USP6: variants seen among roughly 807,000 people sequenced by gnomAD.
USP6 encodes the protein ubiquitin carboxyl-terminal hydrolase 6.
A neutral mutation model predicts 175.7 loss-of-function variants in USP6; 128 were observed. That is an observed-to-expected ratio of 0.73 (90% confidence interval 0.63 to 0.84). USP6 has a LOEUF of 0.84. Ranked by LOEUF, USP6 falls within the 40% of genes least tolerant of loss-of-function variation. The pLI, the probability that USP6 is intolerant of heterozygous loss-of-function variation, is 0.00. For synonymous variants in USP6, 562 were observed against 630.6 expected, an observed-to-expected ratio of 0.89 and a Z score of 1.63; for missense variants, 1,498 against 1,760.3, an observed-to-expected ratio of 0.85 and a Z score of 2.67.
intron 36 of USP6, among the ~76,000 whole-genome samples, 199 bp downstream of exon 36, chr17:5,171,114 T>G (rs2074208335): frequency 5.3e-5 from 8 of 152,134 alleles, no homozygotes; most frequent in Admixed American, 5.2e-4. Context: ...TTTAGAAGGC[T>G]GAGACAGGAG....
intron 30 of USP6, among the ~76,000 whole-genome samples, chr17:5,154,711 C>T (rs1598069639): frequency 9.3e-6 from 1 of 107,486 alleles, no homozygotes; most frequent in East Asian, 2.0e-4. Flanking sequence ...TTGAGATAGT[C>T]TTTTTTTTTT....
At chr17:5,136,527 AG>A in intron 17 of USP6, 112 bp from the exon 18 acceptor site, 1 of 1,331,334 alleles carries the variant, frequency 7.5e-7, no homozygotes, top group South Asian at 1.3e-5. Context: ...ACCAGATGGG[AG>A]GGCGGGAGGC....
At chr17:5,137,906 C>G (rs2073309992) in intron 20 of USP6, among the ~76,000 whole-genome samples, 156 bp downstream of exon 20, 1 of 152,116 alleles carries the variant, frequency 6.6e-6, no homozygotes, top group Non-Finnish European at 1.5e-5. Context: ...GACACCGAGC[C>G]CATCCCCCAC....
intron 28 of USP6, among the ~76,000 whole-genome samples, chr17:5,146,882 A>G (rs1221385695): frequency 2.0e-5 from 3 of 152,190 alleles, no homozygotes; most frequent in Non-Finnish European, 4.4e-5. Context: ...GTGAAAAGAG[A>G]TAATAGTTCA....
At position 5,174,679 on chromosome 17, in the gene USP6, A is replaced by G. The variant is rs1005355836; in HGVS notation, c.*1701A>G. ...ATTTCTTTACAGATGTTTTATTTAA[A>G]CAGGTAGCACAATCTACTAATGTTG... On this transcript the variant is annotated 3_prime_UTR_variant, in exon 38 of 38. Transcript: ENST00000574788. The G allele has an allele frequency of 9.5e-5, 19 of 200,400 alleles. No individual in the cohort carries two copies. Among genetic ancestry groups the G allele is most frequent in the Admixed American group, 6.0e-5 (1 of 16,620 alleles). 12.4% of individuals were successfully genotyped at this position (200,400 alleles called of 1,614,324 possible).
intron 14 of USP6, 83 bp downstream of exon 14, chr17:5,133,633 C>CG: frequency 3.0e-6 from 2 of 670,520 alleles, no homozygotes; most frequent in Admixed American, 2.0e-5. Context: ...CAAGCCCACC[C>CG]TGGGGTGGGG....
chr17:5,127,865 A>G (rs553752322), intron 7 of USP6, among the ~76,000 whole-genome samples: 10 of 152,364 alleles, frequency 6.6e-5, no homozygotes, highest in African/African-American at 1.9e-4. Context: ...TTAGGGAATG[A>G]TGACAAGAAC....
At position 5,163,447 on chromosome 17, in the gene USP6, T is replaced by G. The variant is rs1232856504; in HGVS notation, c.3036+443T>G. ...CCTCGCTTTCTAACAGCCCGCTCTCTTGGAAACTAAGTTCTCAGAAGAGAA... is the reference window on the plus strand; with the variant it reads ...CCTCGCTTTCTAACAGCCCGCTCTCGTGGAAACTAAGTTCTCAGAAGAGAA... On this transcript the variant is annotated intron_variant, in intron 33 of 37. Coordinates refer to ENST00000574788, the MANE Select transcript of USP6 (RefSeq NM_001304284.2). Among the ~76,000 whole-genome samples the G allele has an allele frequency of 2.6e-5, 4 of 152,260 alleles. No individual in the cohort carries two copies. The East Asian group carries it at 7.7e-4, about 29-fold the overall frequency.
At chr17:5,158,612 GGGGAGA>G (rs2073938441) in intron 31 of USP6, among the ~76,000 whole-genome samples, 1 of 49,082 alleles carries the variant, frequency 2.0e-5, no homozygotes, top group African/African-American at 8.1e-5. Context: ...AGAGGGAGAG[GGGGAGA>G]GAGAGAGAGA....
chr17:5,165,231 C>T (rs1341475612), intron 33 of USP6, among the ~76,000 whole-genome samples: 1 of 152,094 alleles, frequency 6.6e-6, no homozygotes, highest in Non-Finnish European at 1.5e-5. Flanking sequence ...AACAGGATTC[C>T]CTGCCTTTTT....
intron 11 of USP6, among the ~76,000 whole-genome samples, chr17:5,131,295 G>A (rs1223645470): frequency 6.6e-6 from 1 of 151,486 alleles, no homozygotes; most frequent in Non-Finnish European, 1.5e-5. Flanking sequence ...TGGGTCTGGT[G>A]CTGGGAAGGG....
In USP6 at chr17:5,116,063, C is replaced by G. The variant is rs2072528423; in HGVS notation, c.-2605C>G. 6.6e-6 allele frequency among the ~76,000 whole-genome samples: 1 copy of G among 152,210 alleles called. No individual in the cohort carries two copies. Among genetic ancestry groups the G allele is most frequent in the Non-Finnish European group, 1.5e-5 (1 of 68,022 alleles). On this transcript the variant is annotated 5_prime_UTR_variant, in exon 1 of 38. Transcript: ENST00000574788. Reference sequence around the variant, plus strand: ...CTAGCGGCGCGGCGGGACGGGCGGGCCCCGACGCCCAGCTCCAAATGCGTG... The same window carrying G: ...CTAGCGGCGCGGCGGGACGGGCGGGGCCCGACGCCCAGCTCCAAATGCGTG...
rs1204792589 is a variant in USP6 at position 5,146,168 on chromosome 17, C to T, written c.2313C>T (p.Asn771=). ...QILLAEVHDS[N]IKNFPQDNQK... ...TACTAGCAGAAGTACATGATTCCAA[C>T]ATAAAGGTAATGTTAACTACTCTAA... is the stretch of plus-strand genomic sequence containing the variant. Residue 771 remains asparagine, a synonymous_variant, in exon 28 of 38, where the codon AAC becomes AAT. Coordinates refer to ENST00000574788, the MANE Select transcript of USP6 (RefSeq NM_001304284.2). The T allele has an allele frequency of 6.2e-7, 1 of 1,607,886 alleles. No homozygotes were observed. Among genetic ancestry groups the T allele is most frequent in the Non-Finnish European group, 8.5e-7 (1 of 1,177,086 alleles).
At chr17:5,137,581 G>C (rs1365524398) in intron 19 of USP6, 70 bp from the exon 20 acceptor site, 11 of 1,463,156 alleles carry the variant, frequency 7.5e-6, no homozygotes, top group Admixed American at 1.7e-5. Context: ...TGAAGCCCCA[G>C]TGTGCGCAGC....
chr17:5,149,659 G>A (rs1192938837), intron 30 of USP6, among the ~76,000 whole-genome samples: 1 of 151,974 alleles, frequency 6.6e-6, no homozygotes, highest in African/African-American at 2.4e-5. Context: ...CCACATAAAC[G>A]CGGATGGCTT....
chr17:5,166,287 G>T (rs2074094266), intron 33 of USP6, among the ~76,000 whole-genome samples: 1 of 152,100 alleles, frequency 6.6e-6, no homozygotes, highest in African/African-American at 2.4e-5. Context: ...CTTTTTAAAT[G>T]AGCTCTTTAG....
At chr17:5,160,128 CT>C (rs1567808691) in intron 31 of USP6, among the ~76,000 whole-genome samples, 1 of 152,186 alleles carries the variant, frequency 6.6e-6, no homozygotes, top group Admixed American at 6.5e-5. Flanking sequence ...CATTATCTTT[CT>C]TTTGATTCCT....
At chr17:5,172,753 T>C in intron 37 of USP6, 52 bp from the exon 38 acceptor site, 1 of 1,604,568 alleles carries the variant, frequency 6.2e-7, no homozygotes, top group Non-Finnish European at 8.5e-7. Context: ...GGCAAGGATT[T>C]AGAGTCATAA....
At chr17:5,148,916 T>C in intron 30 of USP6, 149 bp downstream of exon 30, 1 of 1,391,780 alleles carries the variant, frequency 7.2e-7, no homozygotes, top group Non-Finnish European at 9.5e-7. Flanking sequence ...ATTTTATTTT[T>C]TTACTTTTCT....
Sources: gnomAD v4.1 joint callset for allele counts (sites outside exome capture counted in the v4.1 genomes callset) on GRCh38, gnomAD v4.1.1 for gene constraint, MANE v1.5 for transcripts, NCBI Gene and HGNC (gene_info 2026-07-23, HGNC 2026-07-21) for gene names.